The following FAM120C variants were observed in gnomAD, a reference collection of about 807,000 sequenced individuals.
FAM120C encodes family with sequence similarity 120 member C.
In FAM120C, 14 loss-of-function variants were observed where a neutral mutation model predicts 71.2. The ratio of observed to expected loss-of-function variants is 0.20; its 90% CI spans 0.13 to 0.31. The LOEUF is 0.31. FAM120C is among the 10% of genes least tolerant of loss of function. The probability of loss-of-function intolerance (pLI) is 1.00; values close to 1 mark genes in which losing one functional copy is unlikely to be tolerated. For missense variants in FAM120C, 500 were observed against 879.0 expected, an observed-to-expected ratio of 0.57 and a Z score of 5.45; for synonymous variants, 354 against 353.2, an observed-to-expected ratio of 1.00 and a Z score of -0.03.
At chrX:54,146,171 G>A (rs1374568526) in intron 4 of FAM120C, among the ~76,000 whole-genome samples, 33 of 110,457 alleles carry the variant, frequency 3.0e-4, no homozygotes, top group Admixed American at 5.8e-4. Flanking sequence ...GTGGGGGAAG[G>A]GGGGAGGGAT....
At chrX:54,181,280 C>T (rs1178963523) in intron 1 of FAM120C, among the ~76,000 whole-genome samples, 1 of 111,356 alleles carries the variant, frequency 9.0e-6, no homozygotes, top group Non-Finnish European at 1.9e-5. Flanking sequence ...CCTGTTCTGT[C>T]TAACTGTAAG....
intron 9 of FAM120C, among the ~76,000 whole-genome samples, chrX:54,130,955 C>T (rs1329942424): frequency 9.0e-6 from 1 of 111,176 alleles, no homozygotes; most frequent in Non-Finnish European, 1.9e-5. Context: ...ATTCAGGGAA[C>T]TCACCACTGC....
In FAM120C at chrX:54,135,543, A is replaced by G. The variant is rs141796067; in HGVS notation, c.1320T>C (p.Ser440=). The G allele has an allele frequency of 2.2e-5, 27 of 1,208,382 alleles. No homozygotes were observed. The African/African-American group carries it at 4.6e-4, about 20-fold the overall frequency. ...GGATGCTTACCATTGGCTTTCCAGC[A>G]GAAATGGTGCCCACTTGATTTCGTG... ...PLPRNQVGTI[S]AGKPMFSHQV... Residue 440 remains serine (S), a synonymous_variant, in exon 6 of 16, where the codon TCT becomes TCC. Coordinates refer to ENST00000375180, the MANE Select transcript of FAM120C (RefSeq NM_017848.6).
chrX:54,133,713 CTAGGAAG>C (rs2067079657), intron 8 of FAM120C, 53 bp downstream of exon 8: 2 of 1,127,849 alleles, frequency 1.8e-6, no homozygotes, highest in African/African-American at 3.6e-5. Context: ...ACTTACAGTC[CTAGGAAG>C]TAGGAAGTAC....
intron 10 of FAM120C, among the ~76,000 whole-genome samples, chrX:54,099,691 C>T (rs1473596439): frequency 8.9e-6 from 1 of 112,068 alleles, no homozygotes; most frequent in Non-Finnish European, 1.9e-5. Context: ...TATTCTTTTG[C>T]ATGTTAATAT....
chrX:54,136,459 C>A, intron 5 of FAM120C, 32 bp downstream of exon 5: 1 of 1,084,038 alleles, frequency 9.2e-7, no homozygotes, highest in Non-Finnish European at 1.3e-6. Context: ...CCCCTATGAA[C>A]AGAGCAGCTT....
chrX:54,153,501 G>C lies in FAM120C; in HGVS notation c.1030-2128C>G, dbSNP rs782650981. On this transcript the variant is annotated intron_variant, in intron 3 of 15. Transcript: ENST00000375180. ...CGACTCACTGCAACCTCTGCCTCCT[G>C]GGTTCAAACAATTCTCCTGCCTCAG... Among the ~76,000 whole-genome samples the C allele has an allele frequency of 1.0e-4, 11 of 107,971 alleles. No homozygotes were observed. In the South Asian group the frequency reaches 4.6e-3, roughly 45 times the overall value. The allele number at this position is 107,971 out of a possible 115,157, so 93.8% of individuals were successfully genotyped here.
chrX:54,170,021 G>A (rs374024337), intron 1 of FAM120C, among the ~76,000 whole-genome samples: 4 of 112,294 alleles, frequency 3.6e-5, no homozygotes, highest in African/African-American at 1.3e-4. Flanking sequence ...AGGCACATAC[G>A]TGGTAGTCTT....
intron 1 of FAM120C, among the ~76,000 whole-genome samples, chrX:54,170,055 C>A (rs1168368354): frequency 8.9e-6 from 1 of 112,069 alleles, no homozygotes; most frequent in Non-Finnish European, 1.9e-5. Context: ...GGCAGTCAAG[C>A]TAGAGGTAGT....
chrX:54,168,056 G>A (rs1277558140), intron 1 of FAM120C, among the ~76,000 whole-genome samples: 1 of 111,553 alleles, frequency 9.0e-6, no homozygotes, highest in Non-Finnish European at 1.9e-5. Flanking sequence ...TAAAGAAGTG[G>A]CTTGCAAACT....
At chrX:54,073,399 A>C in intron 15 of FAM120C, 112 bp from the exon 16 acceptor site, 1 of 750,577 alleles carries the variant, frequency 1.3e-6, no homozygotes, top group Non-Finnish European at 1.9e-6. Context: ...CAAAAACACC[A>C]GAAGACCTCA....
At chrX:54,146,441 G>A (rs1387571163) in intron 4 of FAM120C, among the ~76,000 whole-genome samples, 1 of 111,995 alleles carries the variant, frequency 8.9e-6, no homozygotes, top group Non-Finnish European at 1.9e-5. Context: ...AGTATTTTGG[G>A]AGGCCAAAAC....
chrX:54,125,300 A>C (rs1603357629), intron 9 of FAM120C, among the ~76,000 whole-genome samples: 1 of 109,789 alleles, frequency 9.1e-6, no homozygotes, highest in African/African-American at 3.3e-5. Flanking sequence ...ACCTCTGCCT[A>C]GTCTTTTTTT....
chrX:54,169,574 T>C (rs376770288), intron 1 of FAM120C, among the ~76,000 whole-genome samples: 1 of 111,672 alleles, frequency 9.0e-6, no homozygotes, highest in East Asian at 2.8e-4. Flanking sequence ...TTGTCCCATA[T>C]TCCCTCAAGC....
At chrX:54,167,980 A>G (rs1557135413) in intron 1 of FAM120C, among the ~76,000 whole-genome samples, 2 of 108,734 alleles carry the variant, frequency 1.8e-5, no homozygotes, top group African/African-American at 3.3e-5. Context: ...AAAAAAAAAA[A>G]AAAGAAAACC....
At chrX:54,083,651 C>T (rs187349153) in intron 13 of FAM120C, among the ~76,000 whole-genome samples, 109 of 111,051 alleles carry the variant, frequency 9.8e-4, no homozygotes, top group African/African-American at 3.5e-3. Context: ...TACACACACA[C>T]ACGAGTCCTT....
chrX:54,103,755 C>CTT (rs11295052), intron 10 of FAM120C, among the ~76,000 whole-genome samples: 3 of 98,460 alleles, frequency 3.0e-5, no homozygotes, highest in African/African-American at 7.4e-5. Context: ...CAAAACACCT[C>CTT]TTTTTTTTTT....
At chrX:54,103,638 G>A (rs2066892508) in intron 10 of FAM120C, among the ~76,000 whole-genome samples, 1 of 111,161 alleles carries the variant, frequency 9.0e-6, no homozygotes, top group African/African-American at 3.3e-5. Context: ...ACGTGTCAAG[G>A]ATCTTATTCA....
At chrX:54,159,717 G>T in intron 1 of FAM120C, 101 bp from the exon 2 acceptor site, 4 of 769,423 alleles carry the variant, frequency 5.2e-6, no homozygotes, top group Non-Finnish European at 5.5e-6. Flanking sequence ...GGTGAAATTT[G>T]AAATTGTACG....
Sources: gnomAD v4.1 joint callset for allele counts (sites outside exome capture counted in the v4.1 genomes callset) on GRCh38, gnomAD v4.1.1 for gene constraint, MANE v1.5 for transcripts, NCBI Gene and HGNC (gene_info 2026-07-23, HGNC 2026-07-21) for gene names.